NYAP1: variants seen among roughly 807,000 people sequenced by gnomAD.
NYAP1 encodes the protein neuronal tyrosine phosphorylated phosphoinositide-3-kinase adaptor 1, also known as neuronal tyrosine-phosphorylated phosphoinositide-3-kinase adapter 1.
NYAP1 carries 20 observed loss-of-function variants against 58.6 expected under a neutral mutation model. That is an observed-to-expected ratio of 0.34 (90% confidence interval 0.24 to 0.50). The LOEUF (loss-of-function observed/expected upper bound fraction) is 0.50. Among genes scored for constraint, NYAP1 ranks in the 20% least tolerant of loss-of-function variants. The pLI is 0.98. For missense variants in NYAP1, 1,150 were observed against 1,194.5 expected (o/e 0.96, Z 0.55); for synonymous variants, 572 against 523.1 (o/e 1.09, Z -1.27).
Position 100,485,454 on chromosome 7 carries a change from C to CGGG in NYAP1, c.68+78_68+80dup. ...CCCCTCACTGGGCCACAGCCCTTCTCGGGGGCCGGCAGCCTTGTCATGAGT... is the reference window on the plus strand; with the variant it reads ...CCCCTCACTGGGCCACAGCCCTTCTCGGGGGGGGCCGGCAGCCTTGTCATGAGT... On this transcript the variant is annotated intron_variant, in intron 2 of 6. Transcript: ENST00000300179. The surrounding 1 kb of genome is among the most constrained non-coding windows in gnomAD (Gnocchi z 5.7). 8.3e-7 allele frequency: 1 copy of CGGG among 1,199,060 alleles called. No individual in the cohort carries two copies. Among genetic ancestry groups the CGGG allele is most frequent in the South Asian group, 1.3e-5 (1 of 75,746 alleles). 74.3% of individuals were successfully genotyped at this position (1,199,060 alleles called of 1,614,324 possible).
In NYAP1 at chr7:100,487,086, C is replaced by G; in HGVS notation, c.334C>G (p.Arg112Gly). ...GGGCCTCACAGAGGACAGCAGCACC[C>G]GAAGACCCCCTGCCAAGCCCCGGAG... ...SGGLTEDSST[R>G]RPPAKPRRHP... Residue 112 changes from arginine to glycine, a missense_variant, in exon 3 of 7, where the codon CGA becomes GGA. Transcript: ENST00000300179. This position sits in a 1 kb window ranked among gnomAD's most constrained non-coding sequence, Gnocchi z 4.1. 6.3e-7 allele frequency: 1 copy of G among 1,594,050 alleles called. No individual in the cohort carries two copies. Among genetic ancestry groups the G allele is most frequent in the African/African-American group, 1.4e-5 (1 of 73,826 alleles).
At chr7:100,493,276 G>A (rs1279132649) in intron 6 of NYAP1, among the ~76,000 whole-genome samples, 2 of 152,116 alleles carry the variant, frequency 1.3e-5, no homozygotes, top group African/African-American at 4.8e-5. Flanking sequence ...CTGGAGGATT[G>A]CTTGAGCCCA....
rs78122746 is a variant in NYAP1, at chr7:100,489,185, G to A, written c.1464G>A (p.Thr488=). The A allele has an allele frequency of 2.8e-4, 458 of 1,611,024 alleles. 8 individuals are homozygous for A. The East Asian group carries it at 1.0e-2, about 35-fold the overall frequency. Residue 488 remains threonine, a synonymous_variant, in exon 4 of 7, where the codon ACG becomes ACA. Coordinates refer to ENST00000300179, the MANE Select transcript of NYAP1 (RefSeq NM_173564.4). ...GPPLGAGEPK[T]EKEISVLHGM... is the part of the protein sequence containing the mutation. ...CCCTGGGTGCTGGGGAGCCAAAGAC[G>A]GAGAAGGAGATCTCGGTCCTCCATG... is the stretch of plus-strand genomic sequence containing the variant.
chr7:100,489,652 C>G lies in NYAP1; in HGVS notation c.1931C>G (p.Ala644Gly). The change falls in exon 4 of 7, where the codon GCA becomes GGA. Residue 644 changes from alanine to glycine, a missense_variant. By Grantham distance (60) the Ala-to-Gly change is moderately conservative. Transcript: ENST00000300179. ...QRKVLYGGRKAKELDKVEDGA... is the reference protein window; with the variant it reads ...QRKVLYGGRKGKELDKVEDGA... Reference sequence around the variant, plus strand: ...AAGGTCCTCTATGGAGGGAGAAAAGCAAAGGAGTTGGACAGTGAGTGAGGG... The same window carrying G: ...AAGGTCCTCTATGGAGGGAGAAAAGGAAAGGAGTTGGACAGTGAGTGAGGG... The G allele has an allele frequency of 3.2e-6, 4 of 1,231,572 alleles. No individual in the cohort carries two copies. Among genetic ancestry groups the G allele is most frequent in the Admixed American group, 2.4e-5 (1 of 40,972 alleles). 76.3% of individuals were successfully genotyped at this position (1,231,572 alleles called of 1,614,324 possible).
rs1799760388 is a variant in NYAP1 at position 100,489,409 on chromosome 7, C to A, written c.1688C>A (p.Ala563Asp). 1 of 1,612,880 alleles carries A rather than the reference C, an allele frequency of 6.2e-7. No individual in the cohort carries two copies. The highest frequency in any genetic ancestry group is 1.7e-5 in the Admixed American group (1 of 59,992). ...ATAAGLKRPP[A>D]YESLKAGGVL... is the part of the protein sequence containing the mutation. ...GCAGCTGGGCTCAAGAGACCCCCTGCCTATGAGAGCCTCAAGGCTGGGGGG... is the reference window on the plus strand; with the variant it reads ...GCAGCTGGGCTCAAGAGACCCCCTGACTATGAGAGCCTCAAGGCTGGGGGG... Residue 563 changes from alanine (A) to aspartate (D), a missense_variant, in exon 4 of 7, where the codon GCC becomes GAC. Ala to Asp is a moderately radical substitution (Grantham distance 126). Coordinates refer to ENST00000300179, the MANE Select transcript of NYAP1 (RefSeq NM_173564.4).
Position 100,487,421 on chromosome 7 carries a change from G to C in NYAP1, c.430+239G>C, listed in dbSNP as rs1317277819. Among the ~76,000 whole-genome samples the C allele has an allele frequency of 6.6e-6, 1 of 152,172 alleles. No individual in the cohort carries two copies. Among genetic ancestry groups the C allele is most frequent in the African/African-American group, 2.4e-5 (1 of 41,440 alleles). On this transcript the variant is annotated intron_variant, in intron 3 of 6. Transcript: ENST00000300179. This position sits in a 1 kb window ranked among gnomAD's most constrained non-coding sequence, Gnocchi z 4.1. ...GTGGTGGCCTCAGAGGGACAATGAA[G>C]GTAGGAGCTGCGAATTCTGGAGAAT...
rs760408557 is a variant in NYAP1 at position 100,488,572 on chromosome 7, C to T, written c.851C>T (p.Thr284Met). The T allele has an allele frequency of 1.1e-5, 17 of 1,601,246 alleles. No individual in the cohort carries two copies. Among genetic ancestry groups the T allele is most frequent in the Admixed American group, 3.4e-5 (2 of 59,442 alleles). ...CGGGCCAATGGCCCTCCACCATTGA[C>T]GGCAACATCCCCGCCACAACAGCCT... Reference protein sequence around the residue: ...EGRANGPPPLTATSPPQQPHA... With the variant: ...EGRANGPPPLMATSPPQQPHA... Residue 284 changes from threonine (T) to methionine (M), a missense_variant, in exon 4 of 7, where the codon ACG becomes ATG. Physicochemically the swap from Thr to Met is moderately conservative, Grantham distance 81. Transcript: ENST00000300179. This position sits in a 1 kb window ranked among gnomAD's most constrained non-coding sequence, Gnocchi z 5.9.
At position 100,489,351 on chromosome 7, in the gene NYAP1, C is replaced by T. The variant is rs758856278; in HGVS notation, c.1630C>T (p.Pro544Ser). ...CAGCCTTCCGGACCCAACTGTAGGC[C>T]CCCTGACCCCGCTGTGGACCTACCC... ...PHSLPDPTVG[P>S]LTPLWTYPAT... is the part of the protein sequence containing the mutation. Residue 544 changes from proline to serine, a missense_variant, in exon 4 of 7, where the codon CCC becomes TCC. Physicochemically the swap from Pro to Ser is moderately conservative, Grantham distance 74. Coordinates refer to ENST00000300179, the MANE Select transcript of NYAP1 (RefSeq NM_173564.4). 8 of 1,611,788 alleles carry T rather than the reference C, an allele frequency of 5.0e-6. No individual in the cohort carries two copies. In the East Asian group the frequency reaches 1.6e-4, roughly 31 times the overall value.
Position 100,487,092 on chromosome 7 carries a change from C to A in NYAP1, c.340C>A (p.Pro114Thr). ...GLTEDSSTRR[P>T]PAKPRRHPST... ...CACAGAGGACAGCAGCACCCGAAGA[C>A]CCCCTGCCAAGCCCCGGAGACACCC... Residue 114 changes from proline to threonine, a missense_variant, in exon 3 of 7, where the codon CCC becomes ACC. Coordinates refer to ENST00000300179, the MANE Select transcript of NYAP1 (RefSeq NM_173564.4). The surrounding 1 kb of genome is among the most constrained non-coding windows in gnomAD (Gnocchi z 4.1). The A allele has an allele frequency of 6.3e-7, 1 of 1,593,166 alleles. No individual in the cohort carries two copies. Among genetic ancestry groups the A allele is most frequent in the Admixed American group, 1.7e-5 (1 of 57,720 alleles).
Position 100,484,339 on chromosome 7 carries a change from C to T in NYAP1, c.-85+338C>T, listed in dbSNP as rs542826685. Among the ~76,000 whole-genome samples, 380 of 152,174 alleles carry T rather than the reference C, an allele frequency of 2.5e-3. 3 individuals carry two copies. The highest frequency in any genetic ancestry group is 8.7e-3 in the African/African-American group (360 of 41,522). ...GGTAGCAGTGGGGCCAGACTGGAGCCCCCCGGGTGGGATTGAGGGGCGGGG... is the reference window on the plus strand; with the variant it reads ...GGTAGCAGTGGGGCCAGACTGGAGCTCCCCGGGTGGGATTGAGGGGCGGGG... On this transcript the variant is annotated intron_variant, in intron 1 of 6. Transcript: ENST00000300179.
Position 100,491,051 on chromosome 7 carries a change from C to G in NYAP1, c.2224C>G (p.His742Asp). The G allele has an allele frequency of 6.4e-7, 1 of 1,559,942 alleles. No individual in the cohort carries two copies. The highest frequency in any genetic ancestry group is 1.7e-4 in the Middle Eastern group (1 of 6,000). ...STSGVRQVVL[H>D]TPRPCSQPRD... is the part of the protein sequence containing the mutation. Reference sequence around the variant, plus strand: ...CTCCGGAGTCCGGCAGGTCGTGCTCCACACACCCCGGCCCTGCAGCCAGCC... The same window carrying G: ...CTCCGGAGTCCGGCAGGTCGTGCTCGACACACCCCGGCCCTGCAGCCAGCC... Residue 742 changes from histidine to aspartate, a missense_variant, in exon 6 of 7, where the codon CAC becomes GAC. Physicochemically the swap from His to Asp is moderately conservative, Grantham distance 81. Transcript: ENST00000300179.
Position 100,485,202 on chromosome 7 carries a change from C to A in NYAP1, c.-84-26C>A. 49 of 582,592 alleles carry A rather than the reference C, an allele frequency of 8.4e-5. No individual in the cohort carries two copies. The highest frequency in any genetic ancestry group is 4.6e-4 in the Middle Eastern group (1 of 2,182). 36.1% of individuals were successfully genotyped at this position (582,592 alleles called of 1,614,324 possible). A position where few individuals can be genotyped will look rare whatever the true frequency, so the allele number is the denominator to read the frequency against. On this transcript the variant is annotated intron_variant, in intron 1 of 6. Transcript: ENST00000300179. This position sits in a 1 kb window ranked among gnomAD's most constrained non-coding sequence, Gnocchi z 5.7. ...CACCCATCCCACCTTTCTTTTTTTT[C>A]CGTTCTCACCCACCCCGCCCGCCAG...
In NYAP1 at chr7:100,493,873, G is replaced by A. The variant is rs1040575502; in HGVS notation, c.2496G>A (p.Gln832=). ...CCGGCACCCCGCCCTGCCGCCGGCA[G>A]CACACGGTCCTCTGGGACACCGCCA... ...RKSGTPPCRR[Q]HTVLWDTAI is the part of the protein sequence containing the mutation. Residue 832 remains glutamine, a synonymous_variant, in exon 7 of 7, where the codon CAG becomes CAA. Coordinates refer to ENST00000300179, the MANE Select transcript of NYAP1 (RefSeq NM_173564.4). 16 of 1,516,936 alleles carry A rather than the reference G, an allele frequency of 1.1e-5. No individual in the cohort carries two copies. The African/African-American group carries it at 2.1e-4, about 20-fold the overall frequency. The allele number at this position is 1,516,936 out of a possible 1,614,324, so 94.0% of individuals were successfully genotyped here. A position where few individuals can be genotyped will look rare whatever the true frequency, so the allele number is the denominator to read the frequency against.
Position 100,488,549 on chromosome 7 carries a change from G to A in NYAP1, c.828G>A (p.Arg276=). The change falls in exon 4 of 7, where the codon CGG becomes CGA. Residue 276 remains arginine (R), a synonymous_variant. Coordinates refer to ENST00000300179, the MANE Select transcript of NYAP1 (RefSeq NM_173564.4). This position sits in a 1 kb window ranked among gnomAD's most constrained non-coding sequence, Gnocchi z 5.9. ...TGCCGGAAGAGGCTGGGGAAGGCCG[G>A]GCCAATGGCCCTCCACCATTGACGG... ...YPLPEEAGEG[R]ANGPPPLTAT... is the part of the protein sequence containing the mutation. 1 of 1,611,874 alleles carries A rather than the reference G, an allele frequency of 6.2e-7. No homozygotes were observed. The highest frequency in any genetic ancestry group is 8.5e-7 in the Non-Finnish European group (1 of 1,179,632).
Position 100,488,099 on chromosome 7 carries a change from T to A in NYAP1, c.431-53T>A. 1 of 1,392,162 alleles carries A rather than the reference T, an allele frequency of 7.2e-7. No homozygotes were observed. The highest frequency in any genetic ancestry group is 9.8e-7 in the Non-Finnish European group (1 of 1,020,456). 86.2% of individuals were successfully genotyped at this position (1,392,162 alleles called of 1,614,324 possible). ...AGGGATCAGAATGGGCTCCTCCCAC[T>A]TGCTCCCCTCATTAAAAGCCTGGTT... On this transcript the variant is annotated intron_variant, in intron 3 of 6. Coordinates refer to ENST00000300179, the MANE Select transcript of NYAP1 (RefSeq NM_173564.4). The surrounding 1 kb of genome is among the most constrained non-coding windows in gnomAD (Gnocchi z 5.9).
chr7:100,493,495 A>T, intron 6 of NYAP1, 151 bp from the exon 7 acceptor site: 1 of 738,126 alleles, frequency 1.4e-6, no homozygotes, highest in Non-Finnish European at 2.1e-6. Context: ...CATGGGCCCC[A>T]CAGCCAGAGG....
At position 100,489,041 on chromosome 7, in the gene NYAP1, A is replaced by C; in HGVS notation, c.1320A>C (p.Ala440=). The part of the protein sequence containing the change: ...MICPKAAGAP[A]APPAPAALLP... ...GCCCTAAGGCGGCGGGGGCGCCGGC[A>C]GCCCCCCCTGCCCCGGCCGCCTTGC... Residue 440 remains alanine (A), a synonymous_variant, in exon 4 of 7, where the codon GCA becomes GCC. Coordinates refer to ENST00000300179, the MANE Select transcript of NYAP1 (RefSeq NM_173564.4). 2 of 1,543,398 alleles carry C rather than the reference A, an allele frequency of 1.3e-6. No individual in the cohort carries two copies. Among genetic ancestry groups the C allele is most frequent in the South Asian group, 2.4e-5 (2 of 84,992 alleles).
rs767835254 is a variant in NYAP1, at chr7:100,489,137, C to G, written c.1416C>G (p.His472Gln). ...MVYSAVKVTT[H>Q]SVLPAGPPLG... ...ACTCGGCGGTCAAGGTGACCACGCACTCTGTCCTGCCAGCTGGTCCACCCC... is the reference window on the plus strand; with the variant it reads ...ACTCGGCGGTCAAGGTGACCACGCAGTCTGTCCTGCCAGCTGGTCCACCCC... The change falls in exon 4 of 7, where the codon CAC (histidine) becomes CAG (glutamine). Residue 472 changes from histidine to glutamine, a missense_variant. His to Gln is a conservative substitution (Grantham distance 24). Coordinates refer to ENST00000300179, the MANE Select transcript of NYAP1 (RefSeq NM_173564.4). The G allele has an allele frequency of 6.2e-7, 1 of 1,606,514 alleles. No homozygotes were observed. Among genetic ancestry groups the G allele is most frequent in the South Asian group, 1.1e-5 (1 of 89,904 alleles).
At position 100,485,214 on chromosome 7, in the gene NYAP1, A is replaced by ACC; in HGVS notation, c.-84-11_-84-10dup. 11 of 441,388 alleles carry ACC rather than the reference A, an allele frequency of 2.5e-5. No individual in the cohort carries two copies. Among genetic ancestry groups the ACC allele is most frequent in the Admixed American group, 4.4e-5 (1 of 22,942 alleles). 27.3% of individuals were successfully genotyped at this position (441,388 alleles called of 1,614,324 possible). ...CTTTCTTTTTTTTCCGTTCTCACCC[A>ACC]CCCCGCCCGCCAGTGGATCCGGGAC... On this transcript the variant is annotated splice_polypyrimidine_tract_variant and intron_variant, in intron 1 of 6. Transcript: ENST00000300179. The surrounding 1 kb of genome is among the most constrained non-coding windows in gnomAD (Gnocchi z 5.7).
Sources: gnomAD v4.1 joint callset for allele counts (sites outside exome capture counted in the v4.1 genomes callset) on GRCh38, gnomAD v4.1.1 for gene constraint, Gnocchi (gnomAD v3.1) non-coding constraint, MANE v1.5 for transcripts, NCBI Gene and HGNC (gene_info 2026-07-23, HGNC 2026-07-21) for gene names.